Variants in NTNG2 observed in about 807,000 individuals in gnomAD.
NTNG2 encodes the protein netrin G2, also known as netrin-G2.
Under a neutral mutation model 47.6 loss-of-function variants are expected in NTNG2, and 15 were observed. That is an observed-to-expected ratio of 0.32 (90% CI 0.21 to 0.49). NTNG2 has a LOEUF of 0.49. Among genes scored for constraint, NTNG2 ranks in the 20% least tolerant of loss-of-function variants. The pLI, the probability that NTNG2 is intolerant of heterozygous loss-of-function variation, is 0.99. For synonymous variants in NTNG2, 307 were observed against 324.6 expected, an observed-to-expected ratio of 0.95 and a Z score of 0.58; for missense variants, 578 against 764.6, an observed-to-expected ratio of 0.76 and a Z score of 2.88.
At chr9:132,172,130 CG>C (rs1364729486) in intron 2 of NTNG2, among the ~76,000 whole-genome samples, 1 of 152,232 alleles carries the variant, frequency 6.6e-6, no homozygotes, top group Non-Finnish European at 1.5e-5. Flanking sequence ...AGCCTTGGCC[CG>C]TGCTGTCTCC....
intron 3 of NTNG2, among the ~76,000 whole-genome samples, chr9:132,212,036 G>A (rs951175467): frequency 6.6e-6 from 1 of 152,192 alleles, no homozygotes; most frequent in Non-Finnish European, 1.5e-5. Context: ...CTGGAATATA[G>A]GCGCTAGGAG....
At chr9:132,210,313 C>T (rs1009835947) in intron 3 of NTNG2, among the ~76,000 whole-genome samples, 1 of 152,184 alleles carries the variant, frequency 6.6e-6, no homozygotes, top group Non-Finnish European at 1.5e-5. Context: ...TCCCAGTACT[C>T]AGGAGGTGCC....
chr9:132,198,585 T>C lies in NTNG2; in HGVS notation c.833T>C (p.Ile278Thr). The C allele has an allele frequency of 6.2e-7, 1 of 1,609,066 alleles. No homozygotes were observed. Among genetic ancestry groups the C allele is most frequent in the Non-Finnish European group, 8.5e-7 (1 of 1,176,630 alleles). The stretch of plus-strand genomic sequence containing the variant: ...AACCTCTACAAGTACTTCTACGCCA[T>C]CTCCAACATCGAGGTCATCGGCAGG... Reference protein sequence around the residue: ...RENLYKYFYAISNIEVIGRCK... With the variant: ...RENLYKYFYATSNIEVIGRCK... Residue 278 changes from isoleucine to threonine, a missense_variant, in exon 3 of 8, where the codon ATC becomes ACC. Transcript: ENST00000393229.
chr9:132,179,329 T>G (rs1836749490), intron 2 of NTNG2, among the ~76,000 whole-genome samples: 1 of 152,122 alleles, frequency 6.6e-6, no homozygotes, highest in African/African-American at 2.4e-5. Context: ...TTAGGTGAGC[T>G]CCCGCCTATG....
rs1293634557 is a variant in NTNG2 at position 132,166,768 on chromosome 9, C to T, written c.-64C>T. 6.5e-6 allele frequency: 10 copies of T among 1,529,380 alleles called. No homozygotes were observed. In the African/African-American group the frequency reaches 6.8e-5, roughly 10 times the overall value. The allele number at this position is 1,529,380 out of a possible 1,614,324, so 94.7% of individuals were successfully genotyped here. ...ATTTCCATGCTGAGGCCGCGAGTCC[C>T]GCCTGACCCCGTCGCTGCCTCTCCA... On this transcript the variant is annotated 5_prime_UTR_variant, in exon 2 of 8. Transcript: ENST00000393229.
intron 6 of NTNG2, among the ~76,000 whole-genome samples, chr9:132,239,930 C>T (rs1259605096): frequency 6.6e-6 from 1 of 152,256 alleles, no homozygotes; most frequent in African/African-American, 2.4e-5. Flanking sequence ...TGCTTTCTTC[C>T]AAGTTCTACT....
At chr9:132,241,145 A>G (rs1841954901) in intron 7 of NTNG2, 101 bp downstream of exon 7, 1 of 1,324,622 alleles carries the variant, frequency 7.5e-7, no homozygotes, top group Admixed American at 2.8e-5. Context: ...GGGGCGGTGG[A>G]CTGGGCCTAG....
intron 1 of NTNG2, among the ~76,000 whole-genome samples, chr9:132,165,356 ACAG>A (rs200232295): frequency 0.015 from 2,261 of 152,318 alleles, 50 homozygotes; most frequent in African/African-American, 0.049. Context: ...TTAAAATAGC[ACAG>A]CAATAATCGT....
At chr9:132,213,716 C>T (rs1188159927) in intron 3 of NTNG2, among the ~76,000 whole-genome samples, 1 of 152,170 alleles carries the variant, frequency 6.6e-6, no homozygotes, top group Non-Finnish European at 1.5e-5. Context: ...AACAAAAGAA[C>T]ACTCTTCACC....
intron 2 of NTNG2, among the ~76,000 whole-genome samples, chr9:132,186,120 A>G (rs894179331): frequency 7.9e-5 from 12 of 152,166 alleles, no homozygotes; most frequent in African/African-American, 2.9e-4. Context: ...TCAGCCCCAC[A>G]CTCGAAGGAG....
At position 132,197,914 on chromosome 9, in the gene NTNG2, G is replaced by C. The variant is rs1469826157; in HGVS notation, c.214-52G>C. 1.3e-6 allele frequency: 2 copies of C among 1,548,228 alleles called. No individual in the cohort carries two copies. Among genetic ancestry groups the C allele is most frequent in the Non-Finnish European group, 1.7e-6 (2 of 1,144,112 alleles). ...GCTAGGCCGCGCAGAGGCTTCCCAG[G>C]CCATCCCGAGCATCCAGCACCCACC... is the stretch of plus-strand genomic sequence containing the variant. On this transcript the variant is annotated intron_variant, in intron 2 of 7. Coordinates refer to ENST00000393229, the MANE Select transcript of NTNG2 (RefSeq NM_032536.4). The surrounding 1 kb of genome is among the most constrained non-coding windows in gnomAD (Gnocchi z 4.3).
chr9:132,215,115 C>G lies in NTNG2; in HGVS notation c.858-11734C>G, dbSNP rs900117484. 2.6e-5 allele frequency among the ~76,000 whole-genome samples: 4 copies of G among 151,518 alleles called. No individual in the cohort carries two copies. Among genetic ancestry groups the G allele is most frequent in the African/African-American group, 9.7e-5 (4 of 41,176 alleles). On this transcript the variant is annotated intron_variant, in intron 3 of 7. Coordinates refer to ENST00000393229, the MANE Select transcript of NTNG2 (RefSeq NM_032536.4). The surrounding 1 kb of genome is among the most constrained non-coding windows in gnomAD (Gnocchi z 4.2). ...CTCACTTTCTTGCCCAGGCTGGTCT[C>G]AAACTCCTGTTCTCAGGTAATCCTC... is the stretch of plus-strand genomic sequence containing the variant.
rs982309688 is a variant in NTNG2, at chr9:132,236,150, G to C, written c.1055-2954G>C. 6.6e-6 allele frequency among the ~76,000 whole-genome samples: 1 copy of C among 152,228 alleles called. No homozygotes were observed. The highest frequency in any genetic ancestry group is 1.5e-5 in the Non-Finnish European group (1 of 68,036). ...GTCAGAGGGGGCTTCCTGCAGGAGCGGGGGCCATGAGACCTCGGAGGGTGG... is the reference window on the plus strand; with the variant it reads ...GTCAGAGGGGGCTTCCTGCAGGAGCCGGGGCCATGAGACCTCGGAGGGTGG... On this transcript the variant is annotated intron_variant, in intron 5 of 7. Coordinates refer to ENST00000393229, the MANE Select transcript of NTNG2 (RefSeq NM_032536.4). This position sits in a 1 kb window ranked among gnomAD's most constrained non-coding sequence, Gnocchi z 4.3.
intron 2 of NTNG2, among the ~76,000 whole-genome samples, chr9:132,172,884 C>T (rs1424619999): frequency 2.0e-5 from 3 of 152,108 alleles, no homozygotes; most frequent in African/African-American, 7.2e-5. Flanking sequence ...CACCTGCCAC[C>T]ACGCCAGGCT....
rs1302497501 is a variant in NTNG2 at position 132,236,595 on chromosome 9, A to AT, written c.1055-2508dup. ...GGCAGGAAGCTCTGGCGCTGGAAGCATGTTTAGAGAGGGTCTGAGGCTCGG... is the reference window on the plus strand; with the variant it reads ...GGCAGGAAGCTCTGGCGCTGGAAGCATTGTTTAGAGAGGGTCTGAGGCTCGG... On this transcript the variant is annotated intron_variant, in intron 5 of 7. Transcript: ENST00000393229. The surrounding 1 kb of genome is among the most constrained non-coding windows in gnomAD (Gnocchi z 4.3). 6.6e-6 allele frequency among the ~76,000 whole-genome samples: 1 copy of AT among 152,194 alleles called. No individual in the cohort carries two copies. The highest frequency in any genetic ancestry group is 2.4e-5 in the African/African-American group (1 of 41,462).
At chr9:132,185,914 C>T (rs1589408304) in intron 2 of NTNG2, among the ~76,000 whole-genome samples, 1 of 151,570 alleles carries the variant, frequency 6.6e-6, no homozygotes, top group Non-Finnish European at 1.5e-5. Context: ...GGAGCAGCAG[C>T]GGCTGAGCGC....
rs1841254720 is a variant in NTNG2, at chr9:132,231,883, C to G, written c.1054+1288C>G. ...TCTTGGGGTGGGAGGGTCGGCAGCC[C>G]TGGGCAGAGAGCAGGGGCTTGGCTC... is the stretch of plus-strand genomic sequence containing the variant. On this transcript the variant is annotated intron_variant, in intron 5 of 7. Transcript: ENST00000393229. The surrounding 1 kb of genome is among the most constrained non-coding windows in gnomAD (Gnocchi z 4.1). 1 of 157,386 alleles carries G rather than the reference C, an allele frequency of 6.4e-6. No individual in the cohort carries two copies. Among genetic ancestry groups the G allele is most frequent in the Admixed American group, 6.0e-5 (1 of 16,532 alleles). The allele number at this position is 157,386 out of a possible 1,614,324, so 9.7% of individuals were successfully genotyped here.
intron 3 of NTNG2, among the ~76,000 whole-genome samples, chr9:132,219,193 G>A (rs1424758635): frequency 6.6e-6 from 1 of 150,548 alleles, no homozygotes; most frequent in East Asian, 2.0e-4. Context: ...CTCAGCCTGG[G>A]TGACAGAGCA....
chr9:132,239,230 G>GC lies in NTNG2; in HGVS notation c.1182dup (p.Asn395GlnfsTer8). On this transcript the variant is annotated frameshift_variant, in exon 6 of 8. Coordinates refer to ENST00000393229, the MANE Select transcript of NTNG2 (RefSeq NM_032536.4). LOFTEE classifies it high-confidence loss of function. ...CAGCACTGCCGGCTGGGCTACTACCGCAACGGCTCGGCAGAGCTGGATGAT... is the reference window on the plus strand; with the variant it reads ...CAGCACTGCCGGCTGGGCTACTACCGCCAACGGCTCGGCAGAGCTGGATGAT... 6.2e-7 allele frequency: 1 copy of GC among 1,613,720 alleles called. No homozygotes were observed. The highest frequency in any genetic ancestry group is 1.3e-5 in the African/African-American group (1 of 75,076).
Sources: allele counts gnomAD v4.1 joint callset (sites outside exome capture counted in the v4.1 genomes callset), GRCh38; gene constraint gnomAD v4.1.1; non-coding constraint Gnocchi (gnomAD v3.1); transcripts MANE v1.5; gene names NCBI Gene and HGNC (gene_info 2026-07-23, HGNC 2026-07-21).